The following GPC3 variants were observed in gnomAD, a reference collection of about 807,000 sequenced individuals.
GPC3 encodes the protein glypican 3.
A neutral mutation model predicts 34.4 loss-of-function variants in GPC3; 3 were observed. The ratio of observed to expected loss-of-function variants is 0.09; its 90% CI spans 0.04 to 0.23. The LOEUF (loss-of-function observed/expected upper bound fraction) is 0.23. Ranked by LOEUF, GPC3 falls within the 10% of genes least tolerant of loss-of-function variation. The pLI, the probability that GPC3 is intolerant of heterozygous loss-of-function variation, is 1.00. For synonymous variants in GPC3, 177 were observed against 174.0 expected (o/e 1.02, Z -0.13); for missense variants, 351 against 445.6 (o/e 0.79, Z 1.91).
chrX:133,585,035 G>A (rs1438290766), intron 7 of GPC3, among the ~76,000 whole-genome samples: 3 of 110,702 alleles, frequency 2.7e-5, no homozygotes. Context: ...ACATCTTTTA[G>A]GCAGGTGTGT....
At chrX:133,772,513 C>A (rs1401802542) in intron 2 of GPC3, among the ~76,000 whole-genome samples, 1 of 111,321 alleles carries the variant, frequency 9.0e-6, no homozygotes, top group Non-Finnish European at 1.9e-5. Flanking sequence ...TCATACCCCA[C>A]CCCCTAAAAA....
intron 7 of GPC3, among the ~76,000 whole-genome samples, chrX:133,576,389 G>A (rs764509511): frequency 4.5e-5 from 5 of 110,948 alleles, no homozygotes; most frequent in Admixed American, 2.9e-4. Context: ...GATTACAGGC[G>A]TGTGTCACCA....
intron 7 of GPC3, among the ~76,000 whole-genome samples, chrX:133,560,827 A>C (rs2069534652): frequency 8.9e-6 from 1 of 112,374 alleles, no homozygotes; most frequent in Non-Finnish European, 1.9e-5. Flanking sequence ...CCAATTAAAA[A>C]TAAAAATTAA....
At chrX:133,540,591 T>G (rs999652152) in intron 7 of GPC3, among the ~76,000 whole-genome samples, 5 of 111,487 alleles carry the variant, frequency 4.5e-5, no homozygotes, top group Non-Finnish European at 9.4e-5. Flanking sequence ...AGACTACATA[T>G]TGGGTACAGT....
chrX:133,654,023 T>A (rs1474487416), intron 6 of GPC3, among the ~76,000 whole-genome samples: 3 of 111,907 alleles, frequency 2.7e-5, no homozygotes, highest in Admixed American at 9.5e-5. Flanking sequence ...GACCCTATGA[T>A]CCTGCACTTA....
intron 3 of GPC3, among the ~76,000 whole-genome samples, chrX:133,723,664 C>T (rs759268490): frequency 9.0e-6 from 1 of 111,020 alleles, no homozygotes; most frequent in African/African-American, 3.3e-5. Context: ...AATGTGTCAC[C>T]TTCTCCCTCT....
chrX:133,955,913 T>G (rs1174482603), intron 1 of GPC3, among the ~76,000 whole-genome samples: 1 of 112,086 alleles, frequency 8.9e-6, no homozygotes, highest in Admixed American at 9.5e-5. Flanking sequence ...AGAAAATTTA[T>G]TTTTATTACA....
intron 2 of GPC3, among the ~76,000 whole-genome samples, chrX:133,800,314 A>G (rs5975424): frequency 0.034 from 3,797 of 112,659 alleles, 175 homozygotes; most frequent in African/African-American, 0.12. Flanking sequence ...TATCACAGAA[A>G]TGTCCATTTC....
At chrX:133,960,384 T>C (rs1375220705) in intron 1 of GPC3, among the ~76,000 whole-genome samples, 1 of 111,269 alleles carries the variant, frequency 9.0e-6, no homozygotes, top group Non-Finnish European at 1.9e-5. Context: ...GACTAAATAA[T>C]CCCTCAAGGT....
intron 5 of GPC3, among the ~76,000 whole-genome samples, chrX:133,668,785 C>T (rs1363501834): frequency 8.9e-6 from 1 of 111,732 alleles, no homozygotes; most frequent in Non-Finnish European, 1.9e-5. Context: ...GGAGTGTGAA[C>T]TTTGAGAATC....
intron 3 of GPC3, among the ~76,000 whole-genome samples, chrX:133,725,401 T>A (rs1208375638): frequency 8.9e-6 from 1 of 112,298 alleles, no homozygotes; most frequent in Non-Finnish European, 1.9e-5. Context: ...AACATCAGAT[T>A]CTTCCCATGT....
At chrX:133,809,198 C>A (rs938158391) in intron 2 of GPC3, among the ~76,000 whole-genome samples, 11 of 112,115 alleles carry the variant, frequency 9.8e-5, no homozygotes, top group African/African-American at 3.2e-4. Flanking sequence ...AAATAATTGA[C>A]CAATCCACAG....
intron 2 of GPC3, among the ~76,000 whole-genome samples, chrX:133,944,389 G>A: frequency 8.9e-6 from 1 of 112,256 alleles, no homozygotes; most frequent in South Asian, 3.8e-4. Flanking sequence ...AAGGAGAGGA[G>A]TGTCATAAGC....
chrX:133,886,517 T>G (rs2076062609), intron 2 of GPC3, among the ~76,000 whole-genome samples: 1 of 111,978 alleles, frequency 8.9e-6, no homozygotes, highest in South Asian at 3.7e-4. Flanking sequence ...TGAGTCAAGC[T>G]AATTAATATA....
chrX:133,661,233 T>A (rs1027478604), intron 6 of GPC3, among the ~76,000 whole-genome samples: 1 of 111,790 alleles, frequency 8.9e-6, no homozygotes, highest in African/African-American at 3.3e-5. Flanking sequence ...AGAAAAGTGT[T>A]TCCAAGATAG....
In GPC3 at chrX:133,919,722, G is replaced by C. The variant is rs775347015; in HGVS notation, c.337+33328C>G. ...TGCCCCTGTGGTCCCACCTACTCAG[G>C]AGGCTGATGCAGGAGGACTGCTTGA... On this transcript the variant is annotated intron_variant, in intron 2 of 7. Transcript: ENST00000370818. Among the ~76,000 whole-genome samples the C allele has an allele frequency of 4.5e-5, 5 of 110,472 alleles. No homozygotes were observed. In the East Asian group the frequency reaches 1.4e-3, roughly 32 times the overall value.
At chrX:133,827,786 G>T (rs1336828914) in intron 2 of GPC3, among the ~76,000 whole-genome samples, 1 of 105,020 alleles carries the variant, frequency 9.5e-6, no homozygotes, top group African/African-American at 3.5e-5. Context: ...CCATCTCAAA[G>T]AAAAAAAAAT....
In GPC3 at chrX:133,791,797, T is replaced by TTTCCTTCCTTCCTTCCTTCC. The variant is rs199692354; in HGVS notation, c.338-37641_338-37622dup. ...CCCTGCTTTCCTTTTTCCTTTTTCTTTTCCTTCCTTCCTTCCTTCCTTCCT... is the reference window on the plus strand; with the variant it reads ...CCCTGCTTTCCTTTTTCCTTTTTCTTTTCCTTCCTTCCTTCCTTCCTTCCTTCCTTCCTTCCTTCCTTCCT... On this transcript the variant is annotated intron_variant, in intron 2 of 7. Coordinates refer to ENST00000370818, the MANE Select transcript of GPC3 (RefSeq NM_004484.4). Among the ~76,000 whole-genome samples, 7 of 80,208 alleles carry TTTCCTTCCTTCCTTCCTTCC rather than the reference T, an allele frequency of 8.7e-5. No individual in the cohort carries two copies. The East Asian group carries it at 2.1e-3, about 24-fold the overall frequency. The allele number at this position is 80,208 out of a possible 115,157, so 69.7% of individuals were successfully genotyped here. A position where few individuals can be genotyped will look rare whatever the true frequency, so the allele number is the denominator to read the frequency against.
At chrX:133,593,354 T>TAAAACA (rs2069873905) in intron 7 of GPC3, among the ~76,000 whole-genome samples, 1 of 47,717 alleles carries the variant, frequency 2.1e-5, no homozygotes, top group African/African-American at 8.7e-5. Context: ...AAAAAAAAAG[T>TAAAACA]AAAAAAAAAA....
Sources: gnomAD v4.1 joint callset for allele counts (sites outside exome capture counted in the v4.1 genomes callset) on GRCh38, gnomAD v4.1.1 for gene constraint, MANE v1.5 for transcripts, NCBI Gene and HGNC (gene_info 2026-07-23, HGNC 2026-07-21) for gene names.